Variants in MAP3K5 observed in about 807,000 individuals in gnomAD.
MAP3K5 encodes mitogen-activated protein kinase kinase kinase 5.
Under a neutral mutation model 158.7 loss-of-function variants are expected in MAP3K5, and 56 were observed. That is an observed-to-expected ratio of 0.35 (90% CI 0.28 to 0.44). MAP3K5 has a LOEUF of 0.44. Among genes scored for constraint, MAP3K5 ranks in the 20% least tolerant of loss-of-function variants. The pLI is 1.00. For synonymous variants in MAP3K5, 579 were observed against 601.7 expected (o/e 0.96, Z 0.55); for missense variants, 1,294 against 1,674.8 (o/e 0.77, Z 3.97).
At chr6:136,731,113 G>A (rs545072504) in intron 1 of MAP3K5, among the ~76,000 whole-genome samples, 22 of 152,284 alleles carry the variant, frequency 1.4e-4, no homozygotes, top group Admixed American at 7.8e-4. Context: ...AATGGCGCAC[G>A]CCTTGGAGAG....
chr6:136,559,239 C>A (rs1176237346), intron 28 of MAP3K5, among the ~76,000 whole-genome samples: 1 of 151,876 alleles, frequency 6.6e-6, no homozygotes, highest in African/African-American at 2.4e-5. Flanking sequence ...GTAATCCCAG[C>A]TACTTGGGAG....
intron 23 of MAP3K5, among the ~76,000 whole-genome samples, chr6:136,586,254 T>C (rs1416545931): frequency 2.0e-5 from 3 of 152,074 alleles, no homozygotes; most frequent in East Asian, 1.9e-4. Flanking sequence ...AGAAGAAAAA[T>C]GTGAGTTATG....
chr6:136,596,776 G>A (rs748396403), intron 21 of MAP3K5, among the ~76,000 whole-genome samples: 4 of 152,198 alleles, frequency 2.6e-5, no homozygotes, highest in Non-Finnish European at 5.9e-5. Flanking sequence ...TCAAATCCAC[G>A]CCTGAGATTT....
chr6:136,616,448 G>A (rs1441753757), intron 15 of MAP3K5, among the ~76,000 whole-genome samples: 1 of 151,700 alleles, frequency 6.6e-6, no homozygotes, highest in African/African-American at 2.4e-5. Context: ...GGGATTACAG[G>A]CGCCTGCCAC....
chr6:136,637,199 T>G, intron 14 of MAP3K5, 126 bp downstream of exon 14: 1 of 1,256,430 alleles, frequency 8.0e-7, no homozygotes, highest in South Asian at 1.5e-5. Flanking sequence ...AAGTTGCTTT[T>G]AACACTAAAG....
At chr6:136,669,436 A>G in intron 7 of MAP3K5, 41 bp from the exon 8 acceptor site, 1 of 1,174,502 alleles carries the variant, frequency 8.5e-7, no homozygotes, top group South Asian at 1.2e-5. Flanking sequence ...TTTCTCAATC[A>G]TGAAACCCTG....
At position 136,609,389 on chromosome 6, in the gene MAP3K5, C is replaced by T. The variant is rs1450192831; in HGVS notation, c.2521+1893G>A. Among the ~76,000 whole-genome samples the T allele has an allele frequency of 2.6e-5, 4 of 152,090 alleles. No individual in the cohort carries two copies. In the South Asian group the frequency reaches 6.2e-4, roughly 24 times the overall value. On this transcript the variant is annotated intron_variant, in intron 18 of 29. Coordinates refer to ENST00000359015, the MANE Select transcript of MAP3K5 (RefSeq NM_005923.4). The surrounding 1 kb of genome is among the most constrained non-coding windows in gnomAD (Gnocchi z 4.4). ...GGCCAGGGGTATTGCTGACTGAATG[C>T]TCTAGGGAAAAAACTTACACAGAAT...
At chr6:136,773,132 G>T (rs1201687584) in intron 1 of MAP3K5, among the ~76,000 whole-genome samples, 3 of 152,172 alleles carry the variant, frequency 2.0e-5, no homozygotes, top group Non-Finnish European at 4.4e-5. Flanking sequence ...ATAAGAAAGT[G>T]GTTGGGAATT....
intron 11 of MAP3K5, among the ~76,000 whole-genome samples, chr6:136,644,269 C>T (rs1778133624): frequency 1.3e-5 from 2 of 152,144 alleles, no homozygotes; most frequent in South Asian, 4.1e-4. Context: ...AAATAAAGCC[C>T]AAGCCCTGAG....
At chr6:136,717,362 T>C (rs904320978) in intron 2 of MAP3K5, among the ~76,000 whole-genome samples, 2 of 152,058 alleles carry the variant, frequency 1.3e-5, no homozygotes, top group African/African-American at 4.8e-5. Context: ...AAAAAAAAAT[T>C]TTTTTCTACG....
At chr6:136,573,632 G>T (rs921188497) in intron 25 of MAP3K5, among the ~76,000 whole-genome samples, 1 of 152,124 alleles carries the variant, frequency 6.6e-6, no homozygotes, top group Non-Finnish European at 1.5e-5. Context: ...GCAGAGTTCT[G>T]GGGGAGGGGA....
intron 2 of MAP3K5, among the ~76,000 whole-genome samples, chr6:136,719,370 G>A (rs1278305637): frequency 1.3e-5 from 2 of 152,110 alleles, no homozygotes; most frequent in African/African-American, 4.8e-5. Context: ...TTAAGGAGGG[G>A]CTTAAGGATT....
chr6:136,583,486 T>A (rs1774977972), intron 24 of MAP3K5, 69 bp downstream of exon 24: 2 of 1,365,722 alleles, frequency 1.5e-6, no homozygotes, highest in Non-Finnish European at 2.0e-6. Flanking sequence ...ATAACAGAAC[T>A]TATGTTTTAT....
At chr6:136,564,686 C>A (rs1774012359) in intron 26 of MAP3K5, among the ~76,000 whole-genome samples, 1 of 152,130 alleles carries the variant, frequency 6.6e-6, no homozygotes, top group African/African-American at 2.4e-5. Context: ...TATGTAATTT[C>A]TTTTTATCTT....
At chr6:136,674,546 C>A (rs1424327877) in intron 7 of MAP3K5, among the ~76,000 whole-genome samples, 1 of 151,844 alleles carries the variant, frequency 6.6e-6, no homozygotes, top group Non-Finnish European at 1.5e-5. Flanking sequence ...GAACAAAAAA[C>A]ATGTAAGACC....
chr6:136,792,286 C>T lies in MAP3K5; in HGVS notation c.-129G>A. ...CCATCGCGCGCCGCGCCCTCGCCGC[C>T]GCGCCGCCGCCTCCTCTCCGGCGCC... On this transcript the variant is annotated 5_prime_UTR_variant, in exon 1 of 30. Transcript: ENST00000359015. The surrounding 1 kb of genome is among the most constrained non-coding windows in gnomAD (Gnocchi z 5.7). 1 of 1,095,152 alleles carries T rather than the reference C, an allele frequency of 9.1e-7. No homozygotes were observed. The highest frequency in any genetic ancestry group is 4.2e-5 in the South Asian group (1 of 23,530). The allele number at this position is 1,095,152 out of a possible 1,614,324, so 67.8% of individuals were successfully genotyped here.
At chr6:136,775,291 T>C (rs995949005) in intron 1 of MAP3K5, among the ~76,000 whole-genome samples, 1 of 152,204 alleles carries the variant, frequency 6.6e-6, no homozygotes, top group Non-Finnish European at 1.5e-5. Flanking sequence ...AGATTATGGC[T>C]CAAAAGTTGG....
chr6:136,632,256 C>T (rs1165435528), intron 14 of MAP3K5, among the ~76,000 whole-genome samples: 17 of 152,100 alleles, frequency 1.1e-4, no homozygotes, highest in Admixed American at 1.1e-3. Flanking sequence ...CATGGTGGCT[C>T]GTGTCCGTAA....
At chr6:136,572,862 T>A (rs544776541) in intron 25 of MAP3K5, among the ~76,000 whole-genome samples, 24 of 152,260 alleles carry the variant, frequency 1.6e-4, no homozygotes, top group Non-Finnish European at 2.8e-4. Context: ...GAGATGACAA[T>A]CTAAAGGAGA....
Sources: allele counts gnomAD v4.1 joint callset (sites outside exome capture counted in the v4.1 genomes callset), GRCh38; gene constraint gnomAD v4.1.1; non-coding constraint Gnocchi (gnomAD v3.1); transcripts MANE v1.5; gene names NCBI Gene and HGNC (gene_info 2026-07-23, HGNC 2026-07-21).